RBMS1: variants seen among roughly 807,000 people sequenced by gnomAD.
The protein encoded by RBMS1 is RNA-binding motif, single-stranded-interacting protein 1.
Under a neutral mutation model 62.3 loss-of-function variants are expected in RBMS1, and 17 were observed. The ratio of observed to expected loss-of-function variants is 0.27; its 90% CI spans 0.19 to 0.41. The LOEUF is 0.41. Among genes scored for constraint, RBMS1 ranks in the 10% least tolerant of loss-of-function variants. The probability of loss-of-function intolerance (pLI) is 1.00; values close to 1 mark genes in which losing one functional copy is unlikely to be tolerated. For synonymous variants in RBMS1, 172 were observed against 170.0 expected (o/e 1.01, Z -0.09); for missense variants, 334 against 504.5 (o/e 0.66, Z 3.24).
At chr2:160,384,359 T>C (rs1159990879) in intron 1 of RBMS1, among the ~76,000 whole-genome samples, 1 of 152,202 alleles carries the variant, frequency 6.6e-6, no homozygotes, top group Non-Finnish European at 1.5e-5. Context: ...GATGTCCCAA[T>C]TTATTTCTAA....
chr2:160,329,315 C>T (rs1353956607), intron 2 of RBMS1, among the ~76,000 whole-genome samples: 1 of 152,126 alleles, frequency 6.6e-6, no homozygotes, highest in African/African-American at 2.4e-5. Flanking sequence ...GGAATGCTAC[C>T]ACAGCCTGCC....
At chr2:160,464,745 G>T (rs1405415781) in intron 1 of RBMS1, among the ~76,000 whole-genome samples, 4 of 152,222 alleles carry the variant, frequency 2.6e-5, no homozygotes, top group African/African-American at 9.6e-5. Context: ...ATTTACTTAT[G>T]CATTTGACAA....
chr2:160,480,916 TAAAAATAC>T (rs1452613510), intron 1 of RBMS1, among the ~76,000 whole-genome samples: 1 of 151,300 alleles, frequency 6.6e-6, no homozygotes, highest in Non-Finnish European at 1.5e-5. Context: ...CCATCTCTAC[TAAAAATAC>T]AAAAAAATTA....
In RBMS1 at chr2:160,486,288, C is replaced by A. The variant is rs73008348; in HGVS notation, c.75+7001G>T. 7.3e-3 allele frequency among the ~76,000 whole-genome samples: 1,105 copies of A among 152,226 alleles called. 13 individuals carry two copies. The highest frequency in any genetic ancestry group is 0.023 in the African/African-American group (970 of 41,522). On this transcript the variant is annotated intron_variant, in intron 1 of 13. Transcript: ENST00000348849. The stretch of plus-strand genomic sequence containing the variant: ...ATTTGATTCCCTGTCCTCCACCCCC[C>A]ACCCCCAGTCCAAGAAACTCAAGTT...
chr2:160,309,782 A>AGG (rs984300195), intron 4 of RBMS1, among the ~76,000 whole-genome samples: 5 of 152,124 alleles, frequency 3.3e-5, no homozygotes, highest in Non-Finnish European at 4.4e-5. Flanking sequence ...CCATCCCTGG[A>AGG]GGGGTTAAAT....
chr2:160,399,749 G>T (rs1383573326), intron 1 of RBMS1, among the ~76,000 whole-genome samples: 2 of 152,062 alleles, frequency 1.3e-5, no homozygotes, highest in Admixed American at 1.3e-4. Flanking sequence ...CTTCCAAAAA[G>T]GATTTATAGG....
chr2:160,369,228 G>A (rs1693592289), intron 1 of RBMS1, among the ~76,000 whole-genome samples: 1 of 152,160 alleles, frequency 6.6e-6, no homozygotes, highest in African/African-American at 2.4e-5. Context: ...TTAATGAGCA[G>A]CTGAACTCAT....
chr2:160,395,440 C>A (rs578257472), intron 1 of RBMS1, among the ~76,000 whole-genome samples: 11 of 152,060 alleles, frequency 7.2e-5, no homozygotes, highest in African/African-American at 1.7e-4. Flanking sequence ...CTGGCTAACA[C>A]GGTGAAACCC....
chr2:160,455,646 C>T (rs191694682), intron 1 of RBMS1, among the ~76,000 whole-genome samples: 5 of 151,476 alleles, frequency 3.3e-5, no homozygotes, highest in Admixed American at 3.3e-4. Flanking sequence ...AAAATTATAA[C>T]CATCACATAC....
chr2:160,356,395 T>C (rs1432044776), intron 2 of RBMS1, among the ~76,000 whole-genome samples: 1 of 151,298 alleles, frequency 6.6e-6, no homozygotes, highest in African/African-American at 2.4e-5. Context: ...CCAATATCTC[T>C]TAGGGTCCTG....
intron 2 of RBMS1, among the ~76,000 whole-genome samples, chr2:160,347,020 G>T (rs539335370): frequency 4.6e-5 from 7 of 152,016 alleles, no homozygotes; most frequent in African/African-American, 1.7e-4. Flanking sequence ...TATCACCAGT[G>T]AAAAAAATAG....
chr2:160,277,269 T>C, intron 12 of RBMS1, 34 bp downstream of exon 12: 2 of 1,521,128 alleles, frequency 1.3e-6, no homozygotes, highest in Non-Finnish European at 1.8e-6. Flanking sequence ...AAACTACTTA[T>C]AGCCAGAATG....
chr2:160,361,784 T>G (rs535141966), intron 2 of RBMS1, among the ~76,000 whole-genome samples: 1 of 152,174 alleles, frequency 6.6e-6, no homozygotes, highest in Admixed American at 6.5e-5. Flanking sequence ...TGCTTGAGAA[T>G]AGCCACTGCA....
rs1687739611 is a variant in RBMS1 at position 160,274,708 on chromosome 2, A to G, written c.*64T>C. ...TCCTAAAGCACAATTGATCAGAAAA[A>G]TCCATGATTGTTCAGCCTTCACACC... On this transcript the variant is annotated 3_prime_UTR_variant, in exon 14 of 14. Transcript: ENST00000348849. The G allele has an allele frequency of 6.6e-6, 1 of 152,576 alleles. No homozygotes were observed. The highest frequency in any genetic ancestry group is 2.1e-4 in the South Asian group (1 of 4,830). 9.5% of individuals were successfully genotyped at this position (152,576 alleles called of 1,614,324 possible). A position where few individuals can be genotyped will look rare whatever the true frequency, so the allele number is the denominator to read the frequency against.
intron 2 of RBMS1, among the ~76,000 whole-genome samples, chr2:160,354,547 G>A (rs1692690368): frequency 6.6e-6 from 1 of 152,114 alleles, no homozygotes; most frequent in African/African-American, 2.4e-5. Flanking sequence ...GTCCAAATGG[G>A]CTAGCAGGCC....
chr2:160,463,507 G>C (rs1278413816), intron 1 of RBMS1, among the ~76,000 whole-genome samples: 1 of 152,204 alleles, frequency 6.6e-6, no homozygotes, highest in Non-Finnish European at 1.5e-5. Flanking sequence ...TTTGCGGCCG[G>C]GCGCGGTGGC....
intron 1 of RBMS1, among the ~76,000 whole-genome samples, chr2:160,453,091 T>C (rs926230409): frequency 1.3e-5 from 1 of 79,142 alleles, no homozygotes; most frequent in Non-Finnish European, 2.7e-5. Context: ...ACTACTGTTA[T>C]GATGATGATG....
At chr2:160,434,480 G>A (rs1683034094) in intron 1 of RBMS1, among the ~76,000 whole-genome samples, 2 of 151,032 alleles carry the variant, frequency 1.3e-5, no homozygotes, top group African/African-American at 2.4e-5. Flanking sequence ...GCCTTTGAGG[G>A]AGACAGAAAG....
intron 7 of RBMS1, 118 bp downstream of exon 7, chr2:160,286,851 T>G: frequency 1.3e-6 from 2 of 1,534,744 alleles, no homozygotes; most frequent in Non-Finnish European, 1.7e-6. Context: ...GATTTAATCC[T>G]GGCACCTATT....
Sources: gnomAD v4.1 joint callset for allele counts (sites outside exome capture counted in the v4.1 genomes callset) on GRCh38, gnomAD v4.1.1 for gene constraint, MANE v1.5 for transcripts, NCBI Gene and HGNC (gene_info 2026-07-23, HGNC 2026-07-21) for gene names.